DLGAP1: variants seen among roughly 807,000 people sequenced by gnomAD.
The protein encoded by DLGAP1 is disks large-associated protein 1.
A neutral mutation model predicts 90.8 loss-of-function variants in DLGAP1; 11 were observed. That is an observed-to-expected ratio of 0.12 (90% CI 0.08 to 0.20). The LOEUF (loss-of-function observed/expected upper bound fraction) is 0.20, where lower values mean the gene tolerates loss of function less well. DLGAP1 is among the 10% of genes least tolerant of loss of function. DLGAP1 has a pLI of 1.00. For synonymous variants in DLGAP1, 558 were observed against 540.7 expected (o/e 1.03, Z -0.44); for missense variants, 1,050 against 1,333.8 (o/e 0.79, Z 3.31).
chr18:3,791,052 G>T (rs938491992), intron 5 of DLGAP1, among the ~76,000 whole-genome samples: 1 of 152,172 alleles, frequency 6.6e-6, no homozygotes, highest in Non-Finnish European at 1.5e-5. Flanking sequence ...ATTAGTGCAG[G>T]TTCACCTAGA....
At chr18:4,081,374 AG>A (rs1226256380) in intron 2 of DLGAP1, among the ~76,000 whole-genome samples, 1 of 151,886 alleles carries the variant, frequency 6.6e-6, no homozygotes, top group African/African-American at 2.4e-5. Flanking sequence ...AAACCTTCAG[AG>A]GGGCCAAGTG....
At chr18:4,410,223 G>A (rs945543950) in intron 1 of DLGAP1, among the ~76,000 whole-genome samples, 4 of 152,074 alleles carry the variant, frequency 2.6e-5, no homozygotes, top group African/African-American at 9.7e-5. Context: ...TGGGTGATGG[G>A]TGCACCAGGT....
At chr18:3,677,064 G>A (rs750427433) in intron 7 of DLGAP1, among the ~76,000 whole-genome samples, 46 of 151,994 alleles carry the variant, frequency 3.0e-4, no homozygotes, top group Admixed American at 5.9e-4. Flanking sequence ...CTTCTGTAGC[G>A]ACTTCAGCCC....
chr18:3,936,516 G>A (rs567338221), intron 3 of DLGAP1, among the ~76,000 whole-genome samples: 36 of 152,196 alleles, frequency 2.4e-4, no homozygotes, highest in African/African-American at 7.9e-4. Flanking sequence ...CTTCCCCCAA[G>A]TGCCTCCATA....
chr18:3,772,135 T>C (rs1568106592), intron 5 of DLGAP1, among the ~76,000 whole-genome samples: 4 of 150,620 alleles, frequency 2.7e-5, no homozygotes, highest in Non-Finnish European at 5.9e-5. Context: ...TTTTCTTTTC[T>C]TTCTCTCCTT....
intron 1 of DLGAP1, among the ~76,000 whole-genome samples, chr18:4,224,199 A>C (rs934299232): frequency 6.6e-6 from 1 of 152,208 alleles, no homozygotes; most frequent in African/African-American, 2.4e-5. Context: ...GCCAGGTAGC[A>C]CACACTGTGG....
intron 1 of DLGAP1, among the ~76,000 whole-genome samples, chr18:4,188,723 C>A (rs9956670): frequency 2.0e-5 from 3 of 152,152 alleles, no homozygotes; most frequent in Non-Finnish European, 4.4e-5. Context: ...CATTGACGGG[C>A]ATTTGGATTG....
At chr18:3,890,499 A>G (rs1283434974) in intron 3 of DLGAP1, among the ~76,000 whole-genome samples, 2 of 152,170 alleles carry the variant, frequency 1.3e-5, no homozygotes, top group African/African-American at 4.8e-5. Flanking sequence ...CTGTCTTCCC[A>G]TCATTTTTAA....
At chr18:3,813,234 T>G (rs926104179) in intron 5 of DLGAP1, among the ~76,000 whole-genome samples, 3 of 152,210 alleles carry the variant, frequency 2.0e-5, no homozygotes, top group Admixed American at 1.3e-4. Flanking sequence ...TTTTACTGTA[T>G]TTTTCTATGT....
intron 2 of DLGAP1, among the ~76,000 whole-genome samples, chr18:4,144,223 T>C (rs1048026188): frequency 4.6e-5 from 7 of 152,308 alleles, no homozygotes; most frequent in Non-Finnish European, 4.4e-5. Flanking sequence ...CATTTAAGTT[T>C]ATTTAGAACC....
intron 1 of DLGAP1, among the ~76,000 whole-genome samples, chr18:4,207,883 G>A (rs535652715): frequency 2.0e-5 from 3 of 152,302 alleles, no homozygotes; most frequent in South Asian, 4.1e-4. Flanking sequence ...TCATTTATGT[G>A]TGTGGAGCAG....
intron 1 of DLGAP1, among the ~76,000 whole-genome samples, chr18:4,439,175 C>T (rs1444433599): frequency 1.3e-5 from 2 of 152,204 alleles, no homozygotes; most frequent in African/African-American, 4.8e-5. Context: ...TGGGTTTAAT[C>T]CTACCCATCC....
chr18:4,326,601 T>A (rs754335757), intron 1 of DLGAP1, among the ~76,000 whole-genome samples: 2 of 152,058 alleles, frequency 1.3e-5, no homozygotes, highest in African/African-American at 2.4e-5. Flanking sequence ...TAAATGCACA[T>A]CAATAGTAGA....
chr18:4,414,707 C>G (rs985693575), intron 1 of DLGAP1, among the ~76,000 whole-genome samples: 4 of 126,892 alleles, frequency 3.2e-5, no homozygotes, highest in African/African-American at 8.2e-5. Context: ...GCCTGGGCAA[C>G]AGAGCAAGAC....
At chr18:3,791,520 GTGTGTGTGTGTGCACGCA>G (rs1159543171) in intron 5 of DLGAP1, among the ~76,000 whole-genome samples, 1 of 111,754 alleles carries the variant, frequency 8.9e-6, no homozygotes, top group East Asian at 5.5e-4. Flanking sequence ...ATGTGCGTGT[GTGTGTGTGTGTGCACGCA>G]TGTGTGTGTG....
intron 5 of DLGAP1, among the ~76,000 whole-genome samples, chr18:3,790,611 G>A (rs574978902): frequency 3.3e-5 from 5 of 152,248 alleles, no homozygotes; most frequent in African/African-American, 1.2e-4. Context: ...GTTGGATTAG[G>A]TCATGATTTT....
intron 7 of DLGAP1, chr18:3,721,505 A>C (rs1180530840): frequency 1.3e-5 from 2 of 152,206 alleles, no homozygotes; most frequent in Non-Finnish European, 1.5e-5. Context: ...ATTTAATTTC[A>C]GTCTAGTTTT....
intron 2 of DLGAP1, among the ~76,000 whole-genome samples, chr18:4,090,185 G>A (rs1351305429): frequency 6.6e-6 from 1 of 152,088 alleles, no homozygotes; most frequent in East Asian, 1.9e-4. Flanking sequence ...ACATAGGCAC[G>A]GGCAAGTATT....
chr18:4,093,654 T>C (rs777924113), intron 2 of DLGAP1, among the ~76,000 whole-genome samples: 20 of 152,330 alleles, frequency 1.3e-4, no homozygotes, highest in Non-Finnish European at 2.2e-4. Context: ...GAAAACTCTA[T>C]AGTAGCAGAG....
Sources: allele counts gnomAD v4.1 joint callset (sites outside exome capture counted in the v4.1 genomes callset), GRCh38; gene constraint gnomAD v4.1.1; transcripts MANE v1.5; gene names NCBI Gene and HGNC (gene_info 2026-07-23, HGNC 2026-07-21).